The following LPIN2 variants were observed in gnomAD, a reference collection of about 807,000 sequenced individuals.
The protein encoded by LPIN2 is phosphatidate phosphatase LPIN2.
In LPIN2, 55 loss-of-function variants were observed where a neutral mutation model predicts 111.4. That is an observed-to-expected ratio of 0.49 (90% CI 0.40 to 0.62). The LOEUF (loss-of-function observed/expected upper bound fraction) is 0.62. LPIN2 is among the 20% of genes least tolerant of loss of function. LPIN2 has a pLI of 0.00. For missense variants in LPIN2, 992 were observed against 1,112.1 expected, an observed-to-expected ratio of 0.89 and a Z score of 1.54; for synonymous variants, 425 against 414.0, an observed-to-expected ratio of 1.03 and a Z score of -0.32.
chr18:2,927,804 A>C lies in LPIN2; in HGVS notation c.1628T>G (p.Val543Gly), dbSNP rs765796566. The C allele has an allele frequency of 1.9e-6, 3 of 1,614,142 alleles. No homozygotes were observed. Among genetic ancestry groups the C allele is most frequent in the Non-Finnish European group, 2.5e-6 (3 of 1,179,996 alleles). ...CATCTTGTCTTTCACCCAGGACTCAACTGTGGCCTGAAAACAACCAACCTG... is the reference window on the plus strand; with the variant it reads ...CATCTTGTCTTTCACCCAGGACTCACCTGTGGCCTGAAAACAACCAACCTG... The part of the protein sequence containing the change: ...VFQKSLPKAT[V>G]ESWVKDKMPK... Residue 543 changes from valine (V) to glycine (G), a missense_variant, in exon 12 of 20, where the codon GTT becomes GGT. By Grantham distance (109) the Val-to-Gly change is moderately radical (BLOSUM62 -3). Coordinates refer to ENST00000677752, the MANE Select transcript of LPIN2 (RefSeq NM_001375808.2).
intron 1 of LPIN2, among the ~76,000 whole-genome samples, chr18:3,002,674 CAAGA>C (rs1390309952): frequency 6.6e-6 from 1 of 152,152 alleles, no homozygotes; most frequent in Non-Finnish European, 1.5e-5. Flanking sequence ...CTTTCTGGGT[CAAGA>C]AAGAAATTCT....
At chr18:2,959,786 ATCAACAACAGAATTTAGAT>A (rs1027477399) in intron 2 of LPIN2, among the ~76,000 whole-genome samples, 8 of 152,208 alleles carry the variant, frequency 5.3e-5, no homozygotes, top group African/African-American at 1.9e-4. Flanking sequence ...AAGTCCTGGT[ATCAACAACAGAATTTAGAT>A]TACAAAAGTT....
intron 1 of LPIN2, among the ~76,000 whole-genome samples, chr18:2,989,293 T>C (rs1406325448): frequency 6.6e-6 from 1 of 151,984 alleles, no homozygotes; most frequent in East Asian, 1.9e-4. Context: ...ATCTCAAACA[T>C]TATGCAATGC....
intron 1 of LPIN2, chr18:2,977,313 G>A (rs2078036606): frequency 6.6e-6 from 1 of 152,050 alleles, no homozygotes; most frequent in Non-Finnish European, 1.5e-5. Context: ...ATGAACCCAT[G>A]GTTTTAAAGT....
rs781553421 is a variant in LPIN2 at position 2,920,281 on chromosome 18, T to C, written c.*12A>G. The stretch of plus-strand genomic sequence containing the variant: ...GGGGGACCAAGCCCTGCCCACCCAC[T>C]GAGGTGCCGCCTCAAGACAGGTCAT... On this transcript the variant is annotated 3_prime_UTR_variant, in exon 20 of 20. Transcript: ENST00000677752. The C allele has an allele frequency of 6.2e-7, 1 of 1,613,970 alleles. No homozygotes were observed. The highest frequency in any genetic ancestry group is 1.7e-5 in the Admixed American group (1 of 60,026).
intron 9 of LPIN2, among the ~76,000 whole-genome samples, chr18:2,930,915 C>T (rs1450433554): frequency 6.6e-6 from 1 of 152,204 alleles, no homozygotes; most frequent in Non-Finnish European, 1.5e-5. Context: ...AGCTGGGCCC[C>T]AGTTCCACAA....
In LPIN2 at chr18:2,924,513, CA is replaced by C; in HGVS notation, c.1971del (p.Asp657GlufsTer38). 1 of 1,614,226 alleles carries C rather than the reference CA, an allele frequency of 6.2e-7. No individual in the cohort carries two copies. On this transcript the variant is annotated frameshift_variant, in exon 15 of 20. Transcript: ENST00000677752. LOFTEE classifies it high-confidence loss of function. ...AKLKLHDGPN[D>X]VVFSITTQYQ... ...TACTGGGTTGTAATACTAAACACAACATCATTTGGGCCATCGTGGAGCTTCA... is the reference window on the plus strand; with the variant it reads ...TACTGGGTTGTAATACTAAACACAACTCATTTGGGCCATCGTGGAGCTTCA...
intron 1 of LPIN2, among the ~76,000 whole-genome samples, chr18:3,004,006 T>TTGTC (rs201036443): frequency 0.086 from 13,010 of 152,060 alleles, 1,356 homozygotes; most frequent in African/African-American, 0.25. Flanking sequence ...CGCTCTGGGA[T>TTGTC]TGTCTTATGC....
intron 17 of LPIN2, 115 bp from the exon 18 acceptor site, chr18:2,921,762 G>C (rs2077056917): frequency 1.2e-6 from 1 of 828,014 alleles, no homozygotes; most frequent in Non-Finnish European, 2.0e-6. Context: ...TTTGTAACTG[G>C]AATCTTTCCT....
chr18:2,956,850 T>A (rs2077623525), intron 2 of LPIN2, among the ~76,000 whole-genome samples: 1 of 152,358 alleles, frequency 6.6e-6, no homozygotes, highest in African/African-American at 2.4e-5. Flanking sequence ...GAGTTTGGTC[T>A]TTCCAAAAAT....
chr18:2,972,125 T>G (rs2077928143), intron 1 of LPIN2, among the ~76,000 whole-genome samples: 1 of 152,080 alleles, frequency 6.6e-6, no homozygotes, highest in African/African-American at 2.4e-5. Flanking sequence ...CCAAAAGCAA[T>G]GCCCATGTGT....
At chr18:2,926,693 T>A (rs1456395200) in intron 13 of LPIN2, 30 bp downstream of exon 13, 3 of 1,600,778 alleles carry the variant, frequency 1.9e-6, no homozygotes, top group Non-Finnish European at 2.6e-6. Context: ...GCCTGAGTGC[T>A]ATGAGCCGGG....
intron 1 of LPIN2, among the ~76,000 whole-genome samples, chr18:3,004,729 T>C (rs1950672956): frequency 6.6e-6 from 1 of 152,184 alleles, no homozygotes; most frequent in Admixed American, 6.5e-5. Flanking sequence ...CACCTTCCTA[T>C]CAGGATGAGC....
intron 1 of LPIN2, chr18:2,991,138 G>T: frequency 2.7e-6 from 1 of 370,254 alleles, no homozygotes. Context: ...TGCTTCACCA[G>T]GAGATCACAA....
intron 4 of LPIN2, chr18:2,950,127 A>G (rs79068684): frequency 0.015 from 2,231 of 152,272 alleles, 40 homozygotes; most frequent in South Asian, 0.067. Flanking sequence ...AAAACAAAGC[A>G]TATTTTTTTC....
intron 1 of LPIN2, among the ~76,000 whole-genome samples, chr18:2,991,396 T>C (rs537410452): frequency 6.6e-6 from 1 of 152,346 alleles, no homozygotes; most frequent in East Asian, 1.9e-4. Flanking sequence ...GTAACCACTG[T>C]AGAAAACAAG....
Position 2,992,811 on chromosome 18 carries a change from G to A in LPIN2, c.-10+20276C>T, listed in dbSNP as rs1207733976. ...GTCCTGGCTAACACAGTGAAACCAT[G>A]TCTCTACTAAAAATACAAAAAAAAA... is the stretch of plus-strand genomic sequence containing the variant. On this transcript the variant is annotated intron_variant, in intron 1 of 19. Transcript: ENST00000677752. Among the ~76,000 whole-genome samples the A allele has an allele frequency of 7.2e-5, 11 of 151,952 alleles. No homozygotes were observed. In the East Asian group the frequency reaches 1.2e-3, roughly 16 times the overall value.
chr18:2,943,429 CGT>C (rs145740705), intron 4 of LPIN2, among the ~76,000 whole-genome samples: 15,878 of 141,988 alleles, frequency 0.11, 843 homozygotes, highest in Non-Finnish European at 0.13. Context: ...ATAAAAGCTG[CGT>C]GTGTGTGTGT....
chr18:2,978,998 T>A (rs1002302941), intron 1 of LPIN2: 1 of 152,296 alleles, frequency 6.6e-6, no homozygotes, highest in Non-Finnish European at 1.5e-5. Context: ...CAAACCCTCT[T>A]GTTTTCTTGA....
Sources: allele counts gnomAD v4.1 joint callset (sites outside exome capture counted in the v4.1 genomes callset), GRCh38; gene constraint gnomAD v4.1.1; transcripts MANE v1.5; gene names NCBI Gene and HGNC (gene_info 2026-07-23, HGNC 2026-07-21).